Variants in CTNNA2 observed in about 807,000 individuals in gnomAD.
CTNNA2 encodes catenin alpha-2.
A neutral mutation model predicts 101.0 loss-of-function variants in CTNNA2; 42 were observed. The ratio of observed to expected loss-of-function variants is 0.42; its 90% confidence interval spans 0.32 to 0.54. The LOEUF is 0.54. Ranked by LOEUF, CTNNA2 falls within the 20% of genes least tolerant of loss-of-function variation. The probability of loss-of-function intolerance (pLI) is 0.14; values close to 1 mark genes in which losing one functional copy is unlikely to be tolerated. For synonymous variants in CTNNA2, 450 were observed against 456.4 expected (o/e 0.99, Z 0.18); for missense variants, 871 against 1,223.1 (o/e 0.71, Z 4.29).
chr2:80,117,712 G>T (rs7588427), intron 7 of CTNNA2, among the ~76,000 whole-genome samples: 2 of 152,046 alleles, frequency 1.3e-5, no homozygotes, highest in South Asian at 2.1e-4. Context: ...GTCTACTGGG[G>T]GGATTGAATA....
At chr2:80,441,700 G>A (rs1400980955) in intron 9 of CTNNA2, among the ~76,000 whole-genome samples, 1 of 152,102 alleles carries the variant, frequency 6.6e-6, no homozygotes, top group East Asian at 1.9e-4. Flanking sequence ...TAATATGTTA[G>A]GCAAGCAATG....
intron 17 of CTNNA2, among the ~76,000 whole-genome samples, chr2:80,617,688 G>A (rs924822190): frequency 2.6e-5 from 4 of 151,612 alleles, no homozygotes; most frequent in African/African-American, 9.7e-5. Flanking sequence ...GAATTTAGTA[G>A]CTTCTGTGTT....
At chr2:80,195,844 G>GC (rs1706798299) in intron 7 of CTNNA2, among the ~76,000 whole-genome samples, 1 of 152,008 alleles carries the variant, frequency 6.6e-6, no homozygotes, top group African/African-American at 2.4e-5. Context: ...ATTTTGGGAG[G>GC]TGAGGCAGGA....
At chr2:80,102,427 C>G (rs79327861) in intron 7 of CTNNA2, among the ~76,000 whole-genome samples, 33,400 of 152,038 alleles carry the variant, frequency 0.22, 4,470 homozygotes, top group East Asian at 0.52. Flanking sequence ...GTGCTTCCCT[C>G]GTTCTTTGAT....
rs764326702 is a variant in CTNNA2 at position 79,930,294 on chromosome 2, G to GAGAAAGAA, written c.1056+20554_1056+20561dup. Among the ~76,000 whole-genome samples, 63 of 122,050 alleles carry GAGAAAGAA rather than the reference G, an allele frequency of 5.2e-4. 2 individuals carry two copies. The Middle Eastern group carries it at 0.012, about 24-fold the overall frequency. 80.1% of individuals were successfully genotyped at this position (122,050 alleles called of 152,430 possible). A position where few individuals can be genotyped will look rare whatever the true frequency, so the allele number is the denominator to read the frequency against. On this transcript the variant is annotated intron_variant, in intron 7 of 18. Coordinates refer to ENST00000402739, the MANE Select transcript of CTNNA2 (RefSeq NM_001282597.3). ...AGAAAGAAAGAGAGAGAGAGAGAAA[G>GAGAAAGAA]AGAAAGAAAGAAAGAAAGAAAGAAA...
chr2:80,444,371 A>C (rs1213823742), intron 9 of CTNNA2, among the ~76,000 whole-genome samples: 2 of 152,202 alleles, frequency 1.3e-5, no homozygotes, highest in Non-Finnish European at 2.9e-5. Flanking sequence ...AGGGAAGACA[A>C]TATAAAAAAT....
chr2:80,060,430 G>A (rs965518385), intron 7 of CTNNA2, among the ~76,000 whole-genome samples: 1 of 152,154 alleles, frequency 6.6e-6, no homozygotes, highest in African/African-American at 2.4e-5. Context: ...CCTTGGAGCA[G>A]AAGCAGCTGA....
intron 7 of CTNNA2, among the ~76,000 whole-genome samples, chr2:79,991,665 C>T (rs897861688): frequency 6.6e-6 from 1 of 152,172 alleles, no homozygotes; most frequent in African/African-American, 2.4e-5. Flanking sequence ...ACCATTTTTA[C>T]ATAACTGTAA....
intron 7 of CTNNA2, among the ~76,000 whole-genome samples, chr2:80,026,699 G>T (rs938603551): frequency 6.6e-6 from 1 of 152,116 alleles, no homozygotes; most frequent in Non-Finnish European, 1.5e-5. Flanking sequence ...AAAGGACCTT[G>T]TTTGTCATCT....
At chr2:80,452,025 G>T (rs199756384) in intron 9 of CTNNA2, among the ~76,000 whole-genome samples, 1 of 152,158 alleles carries the variant, frequency 6.6e-6, no homozygotes, top group Admixed American at 6.5e-5. Context: ...ATATTAAATA[G>T]ATGACTAATT....
At chr2:79,697,813 A>T (rs1044668584) in intron 2 of CTNNA2, 5 of 151,988 alleles carry the variant, frequency 3.3e-5, no homozygotes, top group African/African-American at 1.2e-4. Flanking sequence ...TATTTTTTTC[A>T]GTTGAAACTC....
intron 2 of CTNNA2, among the ~76,000 whole-genome samples, chr2:79,201,277 TTA>T (rs1674032071): frequency 6.6e-6 from 1 of 152,024 alleles, no homozygotes; most frequent in African/African-American, 2.4e-5. Context: ...ATCACACAAT[TTA>T]TATAATTACT....
rs10681981 is a variant in CTNNA2, at chr2:79,875,731, G to GTTT, written c.852+1395_852+1397dup. On this transcript the variant is annotated intron_variant, in intron 6 of 18. Coordinates refer to ENST00000402739, the MANE Select transcript of CTNNA2 (RefSeq NM_001282597.3). ...CTCACACCATATATTATTTCCTAAG[G>GTTT]TTTTTTTTGTGAGGATTAAATATGA... Among the ~76,000 whole-genome samples, 160 of 151,620 alleles carry GTTT rather than the reference G, an allele frequency of 1.1e-3. 1 individual carries two copies. Among genetic ancestry groups the GTTT allele is most frequent in the East Asian group, 3.9e-4 (2 of 5,156 alleles).
At chr2:80,232,984 C>A (rs558115542) in intron 7 of CTNNA2, among the ~76,000 whole-genome samples, 8 of 152,106 alleles carry the variant, frequency 5.3e-5, no homozygotes, top group Non-Finnish European at 7.4e-5. Flanking sequence ...GGTTAAGTGA[C>A]CAAGAAAGAT....
chr2:79,628,582 G>A (rs951377139), intron 1 of CTNNA2, among the ~76,000 whole-genome samples: 1 of 152,074 alleles, frequency 6.6e-6, no homozygotes, highest in African/African-American at 2.4e-5. Context: ...ACATTTAAAT[G>A]TGCAGTCCTA....
chr2:79,739,739 A>G (rs906615308), intron 2 of CTNNA2, among the ~76,000 whole-genome samples: 1 of 152,250 alleles, frequency 6.6e-6, no homozygotes, highest in Non-Finnish European at 1.5e-5. Context: ...ACTTACGCAC[A>G]GATACCTGCA....
At chr2:80,330,278 C>T (rs537942039) in intron 7 of CTNNA2, among the ~76,000 whole-genome samples, 29 of 152,186 alleles carry the variant, frequency 1.9e-4, no homozygotes, top group African/African-American at 5.8e-4. Flanking sequence ...CTTAACAGTA[C>T]CTGCTGAGCG....
chr2:79,673,642 A>G (rs980528489), intron 2 of CTNNA2, among the ~76,000 whole-genome samples: 4 of 152,254 alleles, frequency 2.6e-5, no homozygotes, highest in East Asian at 3.9e-4. Context: ...ATGAATGACC[A>G]TTTGCCTTTT....
intron 3 of CTNNA2, among the ~76,000 whole-genome samples, chr2:79,369,121 C>G (rs940960708): frequency 2.0e-5 from 3 of 152,104 alleles, no homozygotes; most frequent in Non-Finnish European, 4.4e-5. Context: ...AGGGCACCAC[C>G]ACTGGGAGCT....
Sources: allele counts gnomAD v4.1 joint callset (sites outside exome capture counted in the v4.1 genomes callset), GRCh38; gene constraint gnomAD v4.1.1; transcripts MANE v1.5; gene names NCBI Gene and HGNC (gene_info 2026-07-23, HGNC 2026-07-21).